Variants in CTSH observed in about 807,000 individuals in gnomAD.
The protein encoded by CTSH is pro-cathepsin H.
Under a neutral mutation model 56.3 loss-of-function variants are expected in CTSH, and 52 were observed. The observed-to-expected ratio is 0.92, with a 90% confidence interval of 0.74 to 1.16. The LOEUF is 1.16. Among genes scored for constraint, CTSH ranks in the 50% most tolerant of loss-of-function variants. The pLI is 0.00. For missense variants in CTSH, 406 were observed against 424.5 expected (o/e 0.96, Z 0.38); for synonymous variants, 174 against 155.7 (o/e 1.12, Z -0.88).
At chr15:78,935,230 G>A in intron 4 of CTSH, 148 bp from the exon 5 acceptor site, 1 of 626,280 alleles carries the variant, frequency 1.6e-6, no homozygotes, top group Admixed American at 2.9e-5. Flanking sequence ...CCTGTCTACT[G>A]GTCCCAAGTG....
intron 3 of CTSH, among the ~76,000 whole-genome samples, chr15:78,936,532 A>G (rs1035643320): frequency 6.6e-6 from 1 of 152,096 alleles, no homozygotes; most frequent in African/African-American, 2.4e-5. Flanking sequence ...GTTCAAGCCC[A>G]AGTTTCTTTC....
chr15:78,941,519 G>A (rs1000054384), intron 1 of CTSH, among the ~76,000 whole-genome samples: 3 of 139,310 alleles, frequency 2.2e-5, no homozygotes, highest in Admixed American at 7.3e-5. Flanking sequence ...GGAGCTGGGC[G>A]CGGTGGCTCA....
At chr15:78,931,753 G>A in intron 6 of CTSH, 3 of 1,416,068 alleles carry the variant, frequency 2.1e-6, no homozygotes, top group Non-Finnish European at 1.8e-6. Context: ...GAGGGGGCAA[G>A]GGCTGTTGGG....
At position 78,927,923 on chromosome 15, in the gene CTSH, T is replaced by C. The variant is rs2054948876; in HGVS notation, c.631-142A>G. The C allele has an allele frequency of 4.3e-6, 3 of 705,324 alleles. No individual in the cohort carries two copies. The East Asian group carries it at 8.1e-5, about 19-fold the overall frequency. 43.7% of individuals were successfully genotyped at this position (705,324 alleles called of 1,614,324 possible). ...GATAATTTCAGAGAGAATTAAAGCA[T>C]CCTTGTCCTCAAGGAGCTTAGGGTC... is the stretch of plus-strand genomic sequence containing the variant. On this transcript the variant is annotated intron_variant, in intron 8 of 11. Coordinates refer to ENST00000220166, the MANE Select transcript of CTSH (RefSeq NM_004390.5).
chr15:78,945,014 G>A lies in CTSH; in HGVS notation c.-33C>T, dbSNP rs1392930151. ...CTGGCGGCTTGGCTCTTGCGCTCAG[G>A]GTCCGCGGAGGTGGCGGCCCAGAGC... On this transcript the variant is annotated 5_prime_UTR_variant, in exon 1 of 12. Transcript: ENST00000220166. 5 of 1,496,318 alleles carry A rather than the reference G, an allele frequency of 3.3e-6. No homozygotes were observed. The highest frequency in any genetic ancestry group is 4.2e-5 in the Admixed American group (2 of 47,384). The allele number at this position is 1,496,318 out of a possible 1,614,324, so 92.7% of individuals were successfully genotyped here.
chr15:78,938,232 G>A (rs1230530698), intron 2 of CTSH, among the ~76,000 whole-genome samples: 1 of 152,134 alleles, frequency 6.6e-6, no homozygotes, highest in Non-Finnish European at 1.5e-5. Flanking sequence ...AGCCGGGCAT[G>A]GTGGCAGACA....
Position 78,935,034 on chromosome 15 carries a change from GGTAGGGACCA to G in CTSH, c.339_348del (p.Gly114HisfsTer16). The G allele has an allele frequency of 6.2e-7, 1 of 1,614,162 alleles. No homozygotes were observed. The highest frequency in any genetic ancestry group is 8.5e-7 in the Non-Finnish European group (1 of 1,179,998). On this transcript the variant is annotated frameshift_variant, in exon 5 of 12. Transcript: ENST00000220166. LOFTEE classifies it high-confidence loss of function. ...TTTTTCCGCCAGTCCACGGAAGGTG[GGTAGGGACCA>G]GTACCTCGAAGGTAGTTACTTTTGG...
chr15:78,943,098 T>G (rs982753388), intron 1 of CTSH, among the ~76,000 whole-genome samples: 1 of 152,152 alleles, frequency 6.6e-6, no homozygotes. Context: ...ACTACCAGTT[T>G]GCCTCTGGAG....
In CTSH at chr15:78,922,119, G is replaced by T; in HGVS notation, c.*11C>A. The T allele has an allele frequency of 6.4e-7, 1 of 1,558,680 alleles. No individual in the cohort carries two copies. On this transcript the variant is annotated 3_prime_UTR_variant, in exon 12 of 12. Transcript: ENST00000220166. ...TCCTTCTCCGCCAGTCTGCGCTGCGGCTGCCACGGCTCACACCAGAGGGAT... is the reference window on the plus strand; with the variant it reads ...TCCTTCTCCGCCAGTCTGCGCTGCGTCTGCCACGGCTCACACCAGAGGGAT...
chr15:78,921,789 A>G lies in CTSH; in HGVS notation c.*341T>C. On this transcript the variant is annotated 3_prime_UTR_variant, in exon 12 of 12. Coordinates refer to ENST00000220166, the MANE Select transcript of CTSH (RefSeq NM_004390.5). The stretch of plus-strand genomic sequence containing the variant: ...CTCCATCTGGGGAGGTGCTCACTCA[A>G]TGTTTATTGAACAGCGAATACAGAA... 4.1e-6 allele frequency: 1 copy of G among 246,430 alleles called. No homozygotes were observed. Among genetic ancestry groups the G allele is most frequent in the African/African-American group, 2.3e-5 (1 of 44,340 alleles). The allele number at this position is 246,430 out of a possible 1,614,324, so 15.3% of individuals were successfully genotyped here.
chr15:78,925,651 C>T (rs1309267998), intron 9 of CTSH: 1 of 497,566 alleles, frequency 2.0e-6, no homozygotes, highest in Non-Finnish European at 3.7e-6. Context: ...CCTAGGAAAC[C>T]CTGCACCCTC....
rs377180628 is a variant in CTSH at position 78,923,000 on chromosome 15, T to C, written c.925A>G (p.Met309Val). 3.7e-5 allele frequency: 60 copies of C among 1,609,720 alleles called. No individual in the cohort carries two copies. Among genetic ancestry groups the C allele is most frequent in the South Asian group, 5.5e-5 (5 of 90,224 alleles). The change falls in exon 11 of 12, where the codon ATG (methionine) becomes GTG (valine). Residue 309 changes from methionine to valine, a missense_variant. Coordinates refer to ENST00000220166, the MANE Select transcript of CTSH (RefSeq NM_004390.5). The part of the protein sequence containing the change: ...VKNSWGPQWG[M>V]NGYFLIERGK... ...GACCTGGGAGCTGCTTACCCGTTCA[T>C]TCCCCACTGGGGACCCCAAGAGTTT... is the stretch of plus-strand genomic sequence containing the variant.
chr15:78,932,554 C>G lies in CTSH; in HGVS notation c.406-96G>C, dbSNP rs907929568. ...TCCTCTGCTGACCCTGCCAGAGCTC[C>G]CGAGTCCCCAGGTGCCTTGGCAGTT... On this transcript the variant is annotated intron_variant, in intron 5 of 11. Coordinates refer to ENST00000220166, the MANE Select transcript of CTSH (RefSeq NM_004390.5). The G allele has an allele frequency of 2.6e-5, 24 of 909,944 alleles. No individual in the cohort carries two copies. The African/African-American group carries it at 3.6e-4, about 14-fold the overall frequency. 56.4% of individuals were successfully genotyped at this position (909,944 alleles called of 1,614,324 possible). A position where few individuals can be genotyped will look rare whatever the true frequency, so the allele number is the denominator to read the frequency against.
intron 6 of CTSH, chr15:78,931,746 G>A: frequency 3.5e-6 from 5 of 1,424,192 alleles, no homozygotes; most frequent in Non-Finnish European, 4.6e-6. Context: ...AAGGTGAGAG[G>A]GGGCAAGGGC....
In CTSH at chr15:78,923,120, T is replaced by G; in HGVS notation, c.807-2A>C. On this transcript the variant is annotated splice_acceptor_variant, in intron 10 of 11. Coordinates refer to ENST00000220166, the MANE Select transcript of CTSH (RefSeq NM_004390.5). LOFTEE classifies it high-confidence loss of function. ...TCTGGAGTTTTATGGCAGGAAGTAC[T>G]GGAAAACAAAATTCAAAAAGAGGTG... 6.2e-7 allele frequency: 1 copy of G among 1,612,448 alleles called. No individual in the cohort carries two copies. Among genetic ancestry groups the G allele is most frequent in the Non-Finnish European group, 8.5e-7 (1 of 1,179,624 alleles).
intron 6 of CTSH, chr15:78,932,111 G>T: frequency 8.0e-7 from 1 of 1,243,148 alleles, no homozygotes; most frequent in Non-Finnish European, 1.0e-6. Context: ...CCTCCGCCGG[G>T]AAGGCTCCAG....
At chr15:78,937,223 C>T (rs929455875) in intron 3 of CTSH, 95 bp downstream of exon 3, 5 of 957,366 alleles carry the variant, frequency 5.2e-6, no homozygotes, top group South Asian at 1.4e-5. Flanking sequence ...GCCTGGGCTT[C>T]TGCTCCCTCC....
rs1207879665 is a variant in CTSH at position 78,932,393 on chromosome 15, T to C, written c.471A>G (p.Ala157=). 1.9e-5 allele frequency: 30 copies of C among 1,614,098 alleles called. No individual in the cohort carries two copies. Among genetic ancestry groups the C allele is most frequent in the Non-Finnish European group, 2.5e-5 (30 of 1,179,974 alleles). ...TTACCAAGGACAGCATCTTTCCGGTTGCGATGGCGATCGCAGACTCCAGGG... is the reference window on the plus strand; with the variant it reads ...TTACCAAGGACAGCATCTTTCCGGTCGCGATGGCGATCGCAGACTCCAGGG... ...TGALESAIAI[A]TGKMLSLAEQ... is the part of the protein sequence containing the mutation. Residue 157 remains alanine (A), a synonymous_variant, in exon 6 of 12, where the codon GCA becomes GCG. Coordinates refer to ENST00000220166, the MANE Select transcript of CTSH (RefSeq NM_004390.5).
chr15:78,934,294 C>T (rs2055126656), intron 5 of CTSH, among the ~76,000 whole-genome samples: 1 of 152,216 alleles, frequency 6.6e-6, no homozygotes. Flanking sequence ...GAAACCTTCA[C>T]CTCATATTTC....
Sources: gnomAD v4.1 joint callset for allele counts (sites outside exome capture counted in the v4.1 genomes callset) on GRCh38, gnomAD v4.1.1 for gene constraint, MANE v1.5 for transcripts, NCBI Gene and HGNC (gene_info 2026-07-23, HGNC 2026-07-21) for gene names.